EYA1: variants seen among roughly 807,000 people sequenced by gnomAD.
EYA1 encodes EYA transcriptional coactivator and phosphatase 1, also known as protein phosphatase EYA1.
Under a neutral mutation model 82.0 loss-of-function variants are expected in EYA1, and 16 were observed. That is an observed-to-expected ratio of 0.20 (90% confidence interval 0.13 to 0.30). The LOEUF (loss-of-function observed/expected upper bound fraction) is 0.30, where lower values mean the gene tolerates loss of function less well. EYA1 is among the 10% of genes least tolerant of loss of function. EYA1 has a pLI of 1.00. For synonymous variants in EYA1, 261 were observed against 264.4 expected, an observed-to-expected ratio of 0.99 and a Z score of 0.12; for missense variants, 633 against 730.7, an observed-to-expected ratio of 0.87 and a Z score of 1.54.
chr8:71,325,477 A>G (rs996530211), intron 4 of EYA1, among the ~76,000 whole-genome samples: 1 of 152,212 alleles, frequency 6.6e-6, no homozygotes, highest in African/African-American at 2.4e-5. Context: ...AGCACCTGAC[A>G]GGGCCTGGTA....
chr8:71,448,484 C>A (rs528929723), intron 2 of EYA1, among the ~76,000 whole-genome samples: 1 of 152,116 alleles, frequency 6.6e-6, no homozygotes, highest in Admixed American at 6.5e-5. Flanking sequence ...TACTTCCTCC[C>A]CTGAAGTCTT....
intron 2 of EYA1, among the ~76,000 whole-genome samples, chr8:71,461,182 G>A (rs972022439): frequency 1.3e-5 from 2 of 152,072 alleles, no homozygotes; most frequent in African/African-American, 2.4e-5. Context: ...TGATTCCTTT[G>A]CCCAAGAGGC....
At chr8:71,462,967 A>G (rs1450802392) in intron 2 of EYA1, among the ~76,000 whole-genome samples, 2 of 152,240 alleles carry the variant, frequency 1.3e-5, no homozygotes, top group Non-Finnish European at 2.9e-5. Flanking sequence ...TCTAGTAGCC[A>G]TGTTTTAAAA....
chr8:71,393,367 A>G (rs1829389759), intron 2 of EYA1, among the ~76,000 whole-genome samples: 1 of 152,076 alleles, frequency 6.6e-6, no homozygotes, highest in Admixed American at 6.6e-5. Flanking sequence ...ACATATGTAT[A>G]CATGTGTCAT....
chr8:71,233,375 T>C (rs192483997), intron 12 of EYA1, among the ~76,000 whole-genome samples: 154 of 152,084 alleles, frequency 1.0e-3, no homozygotes, highest in South Asian at 4.4e-3. Context: ...CCATCCTGGC[T>C]AACACAGTGA....
chr8:71,373,022 A>T (rs552573207), intron 2 of EYA1, among the ~76,000 whole-genome samples: 53 of 152,220 alleles, frequency 3.5e-4, no homozygotes, highest in African/African-American at 1.2e-3. Context: ...TACAGCTAAC[A>T]TCATAATCGA....
chr8:71,256,316 T>A (rs558827220), intron 11 of EYA1, among the ~76,000 whole-genome samples: 1 of 152,170 alleles, frequency 6.6e-6, no homozygotes, highest in African/African-American at 2.4e-5. Context: ...TGACCATTGA[T>A]AGATATATCA....
intron 12 of EYA1, among the ~76,000 whole-genome samples, chr8:71,222,715 T>C (rs1810083578): frequency 1.3e-5 from 2 of 152,214 alleles, no homozygotes; most frequent in South Asian, 2.1e-4. Context: ...TTTACAGATA[T>C]GAAAAATAAA....
At chr8:71,304,619 T>C (rs10808774) in intron 7 of EYA1, among the ~76,000 whole-genome samples, 77,697 of 140,892 alleles carry the variant, frequency 0.55, 26,889 homozygotes, top group East Asian at 0.87. Flanking sequence ...GTCTGATTTT[T>C]AGTACCAATT....
At chr8:71,469,138 C>A (rs572398754) in intron 2 of EYA1, among the ~76,000 whole-genome samples, 1 of 149,904 alleles carries the variant, frequency 6.7e-6, no homozygotes, top group South Asian at 2.1e-4. Flanking sequence ...TTTTAGGCAC[C>A]CTAGTACATG....
In EYA1 at chr8:71,493,749, C is replaced by T. The variant is rs185869630; in HGVS notation, c.33+41995G>A. On this transcript the variant is annotated intron_variant, in intron 2 of 18. Transcript: ENST00000643681. ...CATTTTAAGAGGCTTTTTGGCCGGG[C>T]GCGGTGGCTCACGCCTGTAATCCCA... Among the ~76,000 whole-genome samples the T allele has an allele frequency of 3.8e-3, 574 of 151,548 alleles. 4 individuals are homozygous for T. Among genetic ancestry groups the T allele is most frequent in the African/African-American group, 0.013 (536 of 41,480 alleles).
At chr8:71,469,312 G>A (rs1809007223) in intron 2 of EYA1, among the ~76,000 whole-genome samples, 1 of 152,062 alleles carries the variant, frequency 6.6e-6, no homozygotes, top group African/African-American at 2.4e-5. Flanking sequence ...GTGGGATCTA[G>A]AGTCAAAGGT....
In EYA1 at chr8:71,199,242, T is replaced by G; in HGVS notation, c.*98A>C. On this transcript the variant is annotated 3_prime_UTR_variant, in exon 18 of 18. Coordinates refer to ENST00000340726, the MANE Select transcript of EYA1 (RefSeq NM_000503.6). ...CAACTGCGCATCACCAGGCGGAAAT[T>G]GCTAAGTTCTGGAGGCCGGCGCTGA... The G allele has an allele frequency of 1.2e-6, 1 of 860,414 alleles. No homozygotes were observed. Among genetic ancestry groups the G allele is most frequent in the Non-Finnish European group, 1.9e-6 (1 of 528,112 alleles). 53.3% of individuals were successfully genotyped at this position (860,414 alleles called of 1,614,324 possible).
chr8:71,384,328 C>A (rs1037688132), intron 2 of EYA1, among the ~76,000 whole-genome samples: 2 of 152,168 alleles, frequency 1.3e-5, no homozygotes, highest in Non-Finnish European at 2.9e-5. Context: ...GTGAGATCCA[C>A]GGTAAGGTTG....
chr8:71,207,761 ATATCAGAGTTTAT>A (rs1347313469), intron 17 of EYA1, among the ~76,000 whole-genome samples: 8 of 152,248 alleles, frequency 5.3e-5, no homozygotes, highest in Non-Finnish European at 2.9e-5. Context: ...GAAAACACAA[ATATCAGAGTTTAT>A]TATCAGAGTG....
At chr8:71,540,774 A>C (rs1224485554) in intron 1 of EYA1, among the ~76,000 whole-genome samples, 1 of 152,202 alleles carries the variant, frequency 6.6e-6, no homozygotes, top group Non-Finnish European at 1.5e-5. Flanking sequence ...TCATTACAAC[A>C]CACCATCACT....
chr8:71,513,310 A>T (rs959803986), intron 2 of EYA1, among the ~76,000 whole-genome samples: 2 of 152,158 alleles, frequency 1.3e-5, no homozygotes, highest in Admixed American at 1.3e-4. Flanking sequence ...ATGTCAAAAG[A>T]TTATAACTTA....
chr8:71,378,038 C>A (rs1419122040), intron 2 of EYA1, among the ~76,000 whole-genome samples: 1 of 152,184 alleles, frequency 6.6e-6, no homozygotes, highest in Non-Finnish European at 1.5e-5. Flanking sequence ...TCTCCAACAT[C>A]TTCTCCCATG....
At chr8:71,434,169 T>C (rs745386785) in intron 2 of EYA1, among the ~76,000 whole-genome samples, 3 of 152,328 alleles carry the variant, frequency 2.0e-5, no homozygotes, top group Middle Eastern at 3.4e-3. Context: ...ATTTAAATAT[T>C]TACATGCTGG....
Sources: allele counts gnomAD v4.1 joint callset (sites outside exome capture counted in the v4.1 genomes callset), GRCh38; gene constraint gnomAD v4.1.1; transcripts MANE v1.5; gene names NCBI Gene and HGNC (gene_info 2026-07-23, HGNC 2026-07-21).